Variants in CSMD1 observed in about 807,000 individuals in gnomAD.
CSMD1 encodes the protein CUB and sushi domain-containing protein 1.
In CSMD1, 213 loss-of-function variants were observed where a neutral mutation model predicts 417.5. The observed-to-expected ratio is 0.51, with a 90% CI of 0.46 to 0.57. The LOEUF is 0.57. Ranked by LOEUF, CSMD1 falls within the 20% of genes least tolerant of loss-of-function variation. CSMD1 has a pLI of 0.00. For missense variants in CSMD1, 6,923 were observed against 4,529.7 expected (o/e 1.53, Z -15.17); for synonymous variants, 2,862 against 1,736.8 (o/e 1.65, Z -16.11).
At chr8:3,544,108 T>C (rs1194137433) in intron 10 of CSMD1, among the ~76,000 whole-genome samples, 2 of 152,034 alleles carry the variant, frequency 1.3e-5, no homozygotes, top group East Asian at 1.9e-4. Flanking sequence ...CCATCTTGAG[T>C]GAGGGCTTGG....
intron 8 of CSMD1, among the ~76,000 whole-genome samples, chr8:3,614,167 G>A (rs1340312709): frequency 2.0e-5 from 3 of 152,052 alleles, no homozygotes; most frequent in Non-Finnish European, 4.4e-5. Flanking sequence ...CTTCCCAGGT[G>A]TTATGGCATT....
chr8:4,246,134 A>C (rs1480899426), intron 3 of CSMD1, among the ~76,000 whole-genome samples: 3 of 152,124 alleles, frequency 2.0e-5, no homozygotes, highest in African/African-American at 7.2e-5. Flanking sequence ...CCAGATATTA[A>C]GCCTAGTACC....
At chr8:3,710,333 A>G (rs745543466) in intron 6 of CSMD1, among the ~76,000 whole-genome samples, 1 of 152,122 alleles carries the variant, frequency 6.6e-6, no homozygotes, top group Non-Finnish European at 1.5e-5. Context: ...CATACCCACG[A>G]CCAACTGGCT....
chr8:4,565,695 A>G (rs1303435814), intron 2 of CSMD1, among the ~76,000 whole-genome samples: 1 of 149,066 alleles, frequency 6.7e-6, no homozygotes, highest in Non-Finnish European at 1.5e-5. Flanking sequence ...GGATTGTGCC[A>G]TTGCACTCCA....
intron 3 of CSMD1, among the ~76,000 whole-genome samples, chr8:4,416,348 T>A (rs191074255): frequency 1.3e-5 from 2 of 152,112 alleles, no homozygotes; most frequent in Non-Finnish European, 2.9e-5. Flanking sequence ...CCTAAATTAT[T>A]GCATATAATT....
At chr8:4,428,790 G>C (rs144882224) in intron 2 of CSMD1, among the ~76,000 whole-genome samples, 3 of 152,030 alleles carry the variant, frequency 2.0e-5, no homozygotes, top group Admixed American at 6.6e-5. Flanking sequence ...CGTGATCTTG[G>C]CTCACTGCAA....
chr8:4,763,407 C>T (rs973384973), intron 1 of CSMD1, among the ~76,000 whole-genome samples: 13 of 152,084 alleles, frequency 8.5e-5, no homozygotes, highest in African/African-American at 2.9e-4. Flanking sequence ...TCAGTCTGTG[C>T]TGAGAGTAAA....
At chr8:3,814,868 T>A (rs1801287600) in intron 5 of CSMD1, among the ~76,000 whole-genome samples, 1 of 152,178 alleles carries the variant, frequency 6.6e-6, no homozygotes, top group South Asian at 2.1e-4. Flanking sequence ...CACACCCACT[T>A]GTGTTAATTA....
intron 5 of CSMD1, among the ~76,000 whole-genome samples, chr8:3,981,694 A>C (rs1280571182): frequency 6.6e-6 from 1 of 152,094 alleles, no homozygotes; most frequent in Admixed American, 6.6e-5. Context: ...TGCCCCAAAG[A>C]AAGGCTCTTT....
intron 8 of CSMD1, among the ~76,000 whole-genome samples, chr8:3,603,377 C>A (rs575152998): frequency 6.6e-6 from 1 of 152,196 alleles, no homozygotes; most frequent in South Asian, 2.1e-4. Context: ...GACTTAGGCG[C>A]GGCAGGCTCA....
chr8:3,169,849 A>T (rs1023132093), intron 37 of CSMD1, among the ~76,000 whole-genome samples: 2 of 152,198 alleles, frequency 1.3e-5, no homozygotes, highest in South Asian at 4.1e-4. Flanking sequence ...ATGCCCAGAC[A>T]TGCCACAGCC....
chr8:4,204,467 G>C (rs541132757), intron 3 of CSMD1, among the ~76,000 whole-genome samples: 9 of 152,062 alleles, frequency 5.9e-5, no homozygotes, highest in South Asian at 2.1e-4. Flanking sequence ...CTGAGATTTT[G>C]TCAGCACTTT....
At chr8:3,523,014 C>CA (rs201346371) in intron 10 of CSMD1, among the ~76,000 whole-genome samples, 4,994 of 108,480 alleles carry the variant, frequency 0.046, 180 homozygotes, top group Admixed American at 0.14. Flanking sequence ...TATACACACA[C>CA]CCACACACAC....
intron 5 of CSMD1, among the ~76,000 whole-genome samples, chr8:3,778,951 A>G (rs1444668769): frequency 6.6e-6 from 1 of 152,158 alleles, no homozygotes; most frequent in Non-Finnish European, 1.5e-5. Context: ...TGGGAGGACA[A>G]TCAGCCTTGG....
At chr8:3,294,124 G>A (rs937750559) in intron 25 of CSMD1, among the ~76,000 whole-genome samples, 4 of 152,186 alleles carry the variant, frequency 2.6e-5, no homozygotes, top group Non-Finnish European at 4.4e-5. Context: ...ATCAGCAGCA[G>A]AGACTGCAGA....
chr8:3,998,498 T>C (rs1414092368), intron 4 of CSMD1, among the ~76,000 whole-genome samples: 1 of 152,206 alleles, frequency 6.6e-6, no homozygotes, highest in East Asian at 1.9e-4. Context: ...CGTTTATTCA[T>C]GGATACCTGG....
At chr8:3,499,697 C>T (rs1342912941) in intron 10 of CSMD1, among the ~76,000 whole-genome samples, 1 of 151,924 alleles carries the variant, frequency 6.6e-6, no homozygotes, top group Non-Finnish European at 1.5e-5. Flanking sequence ...GTATAGGGTA[C>T]TTCATGGTCT....
intron 10 of CSMD1, among the ~76,000 whole-genome samples, chr8:3,568,289 C>A (rs1003641034): frequency 3.9e-5 from 6 of 152,058 alleles, no homozygotes; most frequent in South Asian, 4.1e-4. Flanking sequence ...CTGTCAGATC[C>A]ATGTGTGCTG....
At chr8:4,654,990 C>T (rs1263249174) in intron 1 of CSMD1, among the ~76,000 whole-genome samples, 1 of 151,098 alleles carries the variant, frequency 6.6e-6, no homozygotes, top group Non-Finnish European at 1.5e-5. Context: ...AAATAACTAA[C>T]CATTGTTTGA....
Sources: allele counts gnomAD v4.1 joint callset (sites outside exome capture counted in the v4.1 genomes callset), GRCh38; gene constraint gnomAD v4.1.1; transcripts MANE v1.5; gene names NCBI Gene and HGNC (gene_info 2026-07-23, HGNC 2026-07-21).